Variants in ZBTB47 observed in about 807,000 individuals in gnomAD.
ZBTB47 encodes the protein zinc finger and BTB domain-containing protein 47.
A neutral mutation model predicts 56.6 loss-of-function variants in ZBTB47; 24 were observed. The ratio of observed to expected loss-of-function variants is 0.42; its 90% CI spans 0.31 to 0.60. ZBTB47 has a LOEUF of 0.60. ZBTB47 is among the 20% of genes least tolerant of loss of function. The probability of loss-of-function intolerance (pLI) is 0.14; values close to 1 mark genes in which losing one functional copy is unlikely to be tolerated. For missense variants in ZBTB47, 829 were observed against 1,032.6 expected (o/e 0.80, Z 2.70); for synonymous variants, 414 against 418.9 (o/e 0.99, Z 0.14).
rs146456247 is a variant in ZBTB47 at position 42,661,716 on chromosome 3, A to C, written c.1621+84A>C. 1.3e-4 allele frequency: 194 copies of C among 1,546,748 alleles called. 1 individual carries two copies. In the East Asian group the frequency reaches 2.7e-3, roughly 22 times the overall value. On this transcript the variant is annotated intron_variant, in intron 3 of 5. Coordinates refer to ENST00000232974, the MANE Select transcript of ZBTB47 (RefSeq NM_145166.4). ...GGTGGATGGGAAAGACTTCACATCC[A>C]AGGGCAATGTGAAGGGGTGAGGAGG... is the stretch of plus-strand genomic sequence containing the variant.
intron 2 of ZBTB47, among the ~76,000 whole-genome samples, chr3:42,660,256 T>C (rs1710697779): frequency 1.3e-5 from 2 of 152,300 alleles, no homozygotes; most frequent in African/African-American, 4.8e-5. Context: ...GTGTATAGTT[T>C]CACAGGTTGT....
Position 42,664,647 on chromosome 3 carries a change from C to T in ZBTB47, c.*49C>T. The T allele has an allele frequency of 7.3e-7, 1 of 1,370,512 alleles. No homozygotes were observed. The highest frequency in any genetic ancestry group is 1.7e-5 in the South Asian group (1 of 58,720). The allele number at this position is 1,370,512 out of a possible 1,614,324, so 84.9% of individuals were successfully genotyped here. A position where few individuals can be genotyped will look rare whatever the true frequency, so the allele number is the denominator to read the frequency against. On this transcript the variant is annotated 3_prime_UTR_variant, in exon 6 of 6. Coordinates refer to ENST00000232974, the MANE Select transcript of ZBTB47 (RefSeq NM_145166.4). ...CGCTGGGGCCTGGAGTCAGGGCCCA[C>T]TCCAGGAGGGACCCACTGCCTTCCC...
intron 2 of ZBTB47, among the ~76,000 whole-genome samples, chr3:42,660,202 G>A (rs35871059): frequency 0.14 from 21,069 of 152,258 alleles, 1,863 homozygotes; most frequent in African/African-American, 0.24. Flanking sequence ...GTCAGACGGG[G>A]TTTTAACAAA....
chr3:42,665,700 G>A lies in ZBTB47; in HGVS notation c.*1102G>A, dbSNP rs2125839795. On this transcript the variant is annotated 3_prime_UTR_variant, in exon 6 of 6. Coordinates refer to ENST00000232974, the MANE Select transcript of ZBTB47 (RefSeq NM_145166.4). ...CAGCGTCCTCGTCCCTCCTGGGCCT[G>A]TGCACCGGTGGGTGGGGCGCCCATA... The A allele has an allele frequency of 6.5e-6, 1 of 152,998 alleles. No individual in the cohort carries two copies. The highest frequency in any genetic ancestry group is 1.5e-5 in the Non-Finnish European group (1 of 68,272). 9.5% of individuals were successfully genotyped at this position (152,998 alleles called of 1,614,324 possible).
chr3:42,664,336 C>T lies in ZBTB47; in HGVS notation c.1982C>T (p.Pro661Leu). The T allele has an allele frequency of 1.9e-6, 3 of 1,613,146 alleles. No individual in the cohort carries two copies. The highest frequency in any genetic ancestry group is 1.7e-6 in the Non-Finnish European group (2 of 1,179,662). ...RRTHTGEKPY[P>L]CDVCGQRFRF... ...ACGCACACGGGCGAGAAGCCGTACC[C>T]GTGCGACGTGTGTGGCCAGCGCTTC... The change falls in exon 6 of 6, where the codon CCG (proline) becomes CTG (leucine). Residue 661 changes from proline to leucine, a missense_variant. This residue lies in a region of ZBTB47 where 44 missense variants were observed against 76.7 expected (regional missense o/e 0.57). Transcript: ENST00000232974.
chr3:42,663,742 CA>C lies in ZBTB47; in HGVS notation c.1738-52del, dbSNP rs1710748946. ...GGCCACAGGGGAGCTGTTCCCTCCACAAAGGCTGCTCTTCTGCTCTGTGCCT... is the reference window on the plus strand; with the variant it reads ...GGCCACAGGGGAGCTGTTCCCTCCACAAGGCTGCTCTTCTGCTCTGTGCCT... On this transcript the variant is annotated intron_variant, in intron 4 of 5. Transcript: ENST00000232974. This position sits in a 1 kb window ranked among gnomAD's most constrained non-coding sequence, Gnocchi z 5.1. The C allele has an allele frequency of 6.3e-7, 1 of 1,596,024 alleles. No homozygotes were observed. The highest frequency in any genetic ancestry group is 1.3e-5 in the African/African-American group (1 of 74,698).
chr3:42,653,336 G>A (rs1710590818), upstream of ZBTB47, among the ~76,000 whole-genome samples: 1 of 152,200 alleles, frequency 6.6e-6, no homozygotes, highest in Non-Finnish European at 1.5e-5. Context: ...ATACCCAGGA[G>A]ATACTGCTGC....
chr3:42,659,286 C>A lies in ZBTB47; in HGVS notation c.931C>A (p.Gln311Lys). The A allele has an allele frequency of 1.3e-6, 2 of 1,499,658 alleles. No homozygotes were observed. Among genetic ancestry groups the A allele is most frequent in the South Asian group, 2.4e-5 (2 of 82,540 alleles). The allele number at this position is 1,499,658 out of a possible 1,614,324, so 92.9% of individuals were successfully genotyped here. A position where few individuals can be genotyped will look rare whatever the true frequency, so the allele number is the denominator to read the frequency against. Residue 311 changes from glutamine to lysine, a missense_variant, in exon 2 of 6, where the codon CAG (glutamine) becomes AAG (lysine). By Grantham distance (53) the Gln-to-Lys change is moderately conservative. This residue lies in a region of ZBTB47 where 359 missense variants were observed against 359.8 expected (regional missense o/e 1.00). Coordinates refer to ENST00000232974, the MANE Select transcript of ZBTB47 (RefSeq NM_145166.4). ...EEEEEEEGGSQGEEEEEEEDG... is the reference protein window; with the variant it reads ...EEEEEEEGGSKGEEEEEEEDG... ...GGAGGAGGAGGAAGAGGGTGGCAGT[C>A]AGGGAGAAGAGGAAGAAGAGGAGGA...
At chr3:42,657,140 C>G (rs2125836323) in intron 1 of ZBTB47, among the ~76,000 whole-genome samples, 1 of 152,274 alleles carries the variant, frequency 6.6e-6, no homozygotes, top group Middle Eastern at 3.4e-3. Flanking sequence ...GTGCTGCCCA[C>G]CTTTTGGGGA....
intron 1 of ZBTB47, among the ~76,000 whole-genome samples, chr3:42,657,281 C>A (rs901703248): frequency 2.0e-5 from 3 of 152,326 alleles, no homozygotes; most frequent in Admixed American, 1.3e-4. Flanking sequence ...GCTCTGGAAG[C>A]CCCAGATGGT....
chr3:42,661,349 T>G (rs1409955358), intron 2 of ZBTB47, 136 bp from the exon 3 acceptor site: 2 of 926,490 alleles, frequency 2.2e-6, no homozygotes, highest in Admixed American at 5.4e-5. Context: ...ACATCAGAGC[T>G]GGCTGGCTGT....
Position 42,658,990 on chromosome 3 carries a change from G to T in ZBTB47, c.635G>T (p.Gly212Val). The T allele has an allele frequency of 1.3e-6, 2 of 1,526,924 alleles. No homozygotes were observed. Among genetic ancestry groups the T allele is most frequent in the Non-Finnish European group, 8.8e-7 (1 of 1,142,562 alleles). 94.6% of individuals were successfully genotyped at this position (1,526,924 alleles called of 1,614,324 possible). ...CCAGCCAGCTTGTGCAAGCTGGAGG[G>T]TGGAGAAGAGTTGGAGGAAGAGCTT... Reference protein sequence around the residue: ...GPPASLCKLEGGEELEEELGG... With the variant: ...GPPASLCKLEVGEELEEELGG... The change falls in exon 2 of 6, where the codon GGT (glycine) becomes GTT (valine). Residue 212 changes from glycine (G) to valine (V), a missense_variant. This residue lies in a region of ZBTB47 where 359 missense variants were observed against 359.8 expected (regional missense o/e 1.00). Coordinates refer to ENST00000232974, the MANE Select transcript of ZBTB47 (RefSeq NM_145166.4).
intron 2 of ZBTB47, among the ~76,000 whole-genome samples, chr3:42,660,415 T>G (rs1200232881): frequency 6.6e-6 from 1 of 152,116 alleles, no homozygotes; most frequent in African/African-American, 2.4e-5. Context: ...CCAGCTCCCA[T>G]GGGCCTGGGA....
In ZBTB47 at chr3:42,664,674, G is replaced by T; in HGVS notation, c.*76G>T. On this transcript the variant is annotated 3_prime_UTR_variant, in exon 6 of 6. Coordinates refer to ENST00000232974, the MANE Select transcript of ZBTB47 (RefSeq NM_145166.4). ...CCAGGAGGGACCCACTGCCTTCCCG[G>T]GGAGCACAGTAGTGCGGGCCTGGGC... is the stretch of plus-strand genomic sequence containing the variant. The T allele has an allele frequency of 7.4e-7, 1 of 1,356,064 alleles. No individual in the cohort carries two copies. Among genetic ancestry groups the T allele is most frequent in the Non-Finnish European group, 9.4e-7 (1 of 1,059,870 alleles). The allele number at this position is 1,356,064 out of a possible 1,614,324, so 84.0% of individuals were successfully genotyped here.
chr3:42,653,945 C>T (rs903749380), intron 1 of ZBTB47, 62 bp downstream of exon 1: 1 of 152,594 alleles, frequency 6.6e-6, no homozygotes, highest in African/African-American at 2.4e-5. Flanking sequence ...CCCTGCGCCG[C>T]CCTGGGATAG....
At position 42,663,446 on chromosome 3, in the gene ZBTB47, A is replaced by C. The variant is rs916053634; in HGVS notation, c.1737+319A>C. On this transcript the variant is annotated intron_variant, in intron 4 of 5. Transcript: ENST00000232974. The surrounding 1 kb of genome is among the most constrained non-coding windows in gnomAD (Gnocchi z 5.1). ...GGAGCATCCCAGGCCTGGAGCTCAG[A>C]TGAGACAACAGAGCTGCAGGTGGGG... 2.6e-5 allele frequency among the ~76,000 whole-genome samples: 4 copies of C among 152,092 alleles called. No individual in the cohort carries two copies. Among genetic ancestry groups the C allele is most frequent in the Non-Finnish European group, 5.9e-5 (4 of 68,002 alleles).
chr3:42,658,302 C>T lies in ZBTB47; in HGVS notation c.-54C>T. 2.0e-6 allele frequency: 3 copies of T among 1,485,682 alleles called. No homozygotes were observed. The highest frequency in any genetic ancestry group is 1.8e-6 in the Non-Finnish European group (2 of 1,120,836). 92.0% of individuals were successfully genotyped at this position (1,485,682 alleles called of 1,614,324 possible). A position where few individuals can be genotyped will look rare whatever the true frequency, so the allele number is the denominator to read the frequency against. ...GCTGGTTGAGAAGACAACTGACTCC[C>T]CGGCGGCTGAGTTCTCGCTGGTGGA... On this transcript the variant is annotated 5_prime_UTR_variant, in exon 2 of 6. Coordinates refer to ENST00000232974, the MANE Select transcript of ZBTB47 (RefSeq NM_145166.4).
At position 42,659,316 on chromosome 3, in the gene ZBTB47, G is replaced by A. The variant is rs767993513; in HGVS notation, c.961G>A (p.Gly321Arg). 50 of 1,469,486 alleles carry A rather than the reference G, an allele frequency of 3.4e-5. No individual in the cohort carries two copies. Among genetic ancestry groups the A allele is most frequent in the East Asian group, 7.4e-5 (3 of 40,810 alleles). 91.0% of individuals were successfully genotyped at this position (1,469,486 alleles called of 1,614,324 possible). A position where few individuals can be genotyped will look rare whatever the true frequency, so the allele number is the denominator to read the frequency against. The change falls in exon 2 of 6, where the codon GGG (glycine) becomes AGG (arginine). Residue 321 changes from glycine to arginine, a missense_variant. Gly to Arg is a moderately radical substitution (Grantham distance 125). Coordinates refer to ENST00000232974, the MANE Select transcript of ZBTB47 (RefSeq NM_145166.4). ...QGEEEEEEED[G>R]HSEQEEEEEE... Reference sequence around the variant, plus strand: ...AGAAGAGGAAGAAGAGGAGGAGGACGGGCACAGTGAGCAGGAAGAGGAAGA... The same window carrying A: ...AGAAGAGGAAGAAGAGGAGGAGGACAGGCACAGTGAGCAGGAAGAGGAAGA...
intron 2 of ZBTB47, among the ~76,000 whole-genome samples, chr3:42,661,233 T>C (rs1040669034): frequency 1.3e-5 from 2 of 152,152 alleles, no homozygotes; most frequent in African/African-American, 4.8e-5. Flanking sequence ...GAGTGGGGAA[T>C]TTCCTGGAAG....
Sources: gnomAD v4.1 joint callset for allele counts (sites outside exome capture counted in the v4.1 genomes callset) on GRCh38, gnomAD v4.1.1 for gene constraint, gnomAD v4.1.1 regional missense constraint, Gnocchi (gnomAD v3.1) non-coding constraint, MANE v1.5 for transcripts, NCBI Gene and HGNC (gene_info 2026-07-23, HGNC 2026-07-21) for gene names.